Variants in EPS8 observed in about 807,000 individuals in gnomAD.
The protein encoded by EPS8 is EGFR pathway substrate 8, signaling adaptor.
Under a neutral mutation model 103.8 loss-of-function variants are expected in EPS8, and 42 were observed. The observed-to-expected ratio is 0.40, with a 90% CI of 0.32 to 0.52. EPS8 has a LOEUF of 0.52. Among genes scored for constraint, EPS8 ranks in the 20% least tolerant of loss-of-function variants. The pLI is 0.40. For missense variants in EPS8, 969 were observed against 1,005.1 expected (o/e 0.96, Z 0.49); for synonymous variants, 344 against 344.6 (o/e 1.00, Z 0.02).
At chr12:15,710,156 A>G (rs1454361937) in intron 1 of EPS8, among the ~76,000 whole-genome samples, 1 of 152,226 alleles carries the variant, frequency 6.6e-6, no homozygotes, top group Non-Finnish European at 1.5e-5. Flanking sequence ...TAAATGGTGA[A>G]ATAAAGAAAA....
Position 15,624,216 on chromosome 12 carries a change from G to C in EPS8, c.2225+11C>G, listed in dbSNP as rs1187852490. ...CACACAGAATTGCAAAGTATTCACAGAGAGACTCACACAGGGTTGAATCCC... is the reference window on the plus strand; with the variant it reads ...CACACAGAATTGCAAAGTATTCACACAGAGACTCACACAGGGTTGAATCCC... On this transcript the variant is annotated intron_variant, in intron 19 of 20. Transcript: ENST00000281172. The C allele has an allele frequency of 1.2e-6, 2 of 1,609,468 alleles. No individual in the cohort carries two copies. Among genetic ancestry groups the C allele is most frequent in the Non-Finnish European group, 1.7e-6 (2 of 1,176,922 alleles).
At chr12:15,655,800 G>T (rs998631579) in intron 12 of EPS8, among the ~76,000 whole-genome samples, 1 of 152,202 alleles carries the variant, frequency 6.6e-6, no homozygotes, top group Non-Finnish European at 1.5e-5. Flanking sequence ...GTGTGTACAT[G>T]TCCATGCTGA....
At chr12:15,648,422 A>G (rs1349871956) in intron 14 of EPS8, among the ~76,000 whole-genome samples, 4 of 152,220 alleles carry the variant, frequency 2.6e-5, no homozygotes, top group Non-Finnish European at 5.9e-5. Flanking sequence ...ACCACAGTTA[A>G]TTCTAATGAC....
chr12:15,672,355 CAAT>C (rs747227175), intron 3 of EPS8: 152 of 396,072 alleles, frequency 3.8e-4, no homozygotes, highest in Non-Finnish European at 5.3e-4. Flanking sequence ...GTCCTTGTAT[CAAT>C]ATTACTCTGA....
chr12:15,720,542 C>T (rs1255351499), intron 1 of EPS8, among the ~76,000 whole-genome samples: 1 of 152,170 alleles, frequency 6.6e-6, no homozygotes, highest in Admixed American at 6.5e-5. Context: ...CATTGACAGT[C>T]ACATTCTGCT....
intron 1 of EPS8, among the ~76,000 whole-genome samples, chr12:15,694,246 C>T (rs1434563204): frequency 1.3e-5 from 2 of 151,652 alleles, no homozygotes; most frequent in African/African-American, 4.8e-5. Flanking sequence ...ATACTAAAAA[C>T]AAAGGTACCA....
At chr12:15,626,009 C>T (rs972573338) in intron 18 of EPS8, among the ~76,000 whole-genome samples, 7 of 152,268 alleles carry the variant, frequency 4.6e-5, no homozygotes, top group Admixed American at 4.6e-4. Context: ...AACCTGAATT[C>T]CCGATCTTCT....
chr12:15,650,963 G>A lies in EPS8; in HGVS notation c.1294C>T (p.Arg432Ter), dbSNP rs1027436562. ...GGGGGCTCCCAGCCATTGCGGAATCGTGGAACATATGGTGGAATAAACTGT... is the reference window on the plus strand; with the variant it reads ...GGGGGCTCCCAGCCATTGCGGAATCATGGAACATATGGTGGAATAAACTGT... ...KEQFIPPYVP[R>*]FRNGWEPPML... Residue 432 changes from arginine (R) to a stop codon, truncating the protein, a stop_gained, in exon 14 of 21, where the codon CGA becomes TGA. Transcript: ENST00000281172. LOFTEE classifies it high-confidence loss of function. 4 of 1,614,092 alleles carry A rather than the reference G, an allele frequency of 2.5e-6. No homozygotes were observed. Among genetic ancestry groups the A allele is most frequent in the South Asian group, 1.1e-5 (1 of 91,066 alleles).
chr12:15,747,809 A>G lies in EPS8; in HGVS notation c.-22+41352T>C, dbSNP rs1946890340. On this transcript the variant is annotated intron_variant, in intron 1 of 20. Coordinates refer to ENST00000281172, the MANE Select transcript of EPS8 (RefSeq NM_004447.6). The surrounding 1 kb of genome is among the most constrained non-coding windows in gnomAD (Gnocchi z 4.4). The stretch of plus-strand genomic sequence containing the variant: ...GCCGAGGTGGGCGGATCACGAGGTC[A>G]GGAGATCGAGACCATCCTGGCTAAC... Among the ~76,000 whole-genome samples, 1 of 152,172 alleles carries G rather than the reference A, an allele frequency of 6.6e-6. No individual in the cohort carries two copies. The highest frequency in any genetic ancestry group is 2.1e-4 in the South Asian group (1 of 4,826).
intron 18 of EPS8, among the ~76,000 whole-genome samples, chr12:15,626,591 T>C (rs1439893971): frequency 2.1e-5 from 3 of 143,824 alleles, no homozygotes; most frequent in Non-Finnish European, 4.5e-5. Context: ...ATAGCGCCAC[T>C]GTATTCCAGC....
rs114843338 is a variant in EPS8 at position 15,764,376 on chromosome 12, A to G, written c.-22+24785T>C. 8.2e-3 allele frequency among the ~76,000 whole-genome samples: 1,242 copies of G among 152,304 alleles called. 18 individuals carry two copies. Among genetic ancestry groups the G allele is most frequent in the African/African-American group, 0.028 (1,159 of 41,556 alleles). Reference sequence around the variant, plus strand: ...CATATCAATCAGTCAAGTTAGAAGGAGCTGAATGACAAGTCAAGAGACAAT... The same window carrying G: ...CATATCAATCAGTCAAGTTAGAAGGGGCTGAATGACAAGTCAAGAGACAAT... On this transcript the variant is annotated intron_variant, in intron 1 of 20. Transcript: ENST00000281172. This position sits in a 1 kb window ranked among gnomAD's most constrained non-coding sequence, Gnocchi z 4.1.
At chr12:15,653,769 G>T (rs1010148834) in intron 13 of EPS8, among the ~76,000 whole-genome samples, 6 of 152,196 alleles carry the variant, frequency 3.9e-5, no homozygotes, top group Admixed American at 6.5e-5. Flanking sequence ...GAGTAGTTCT[G>T]TAAAGTGCAT....
chr12:15,682,206 C>T (rs1239864008), intron 2 of EPS8, among the ~76,000 whole-genome samples: 1 of 152,044 alleles, frequency 6.6e-6, no homozygotes. Context: ...TGTAACATTC[C>T]CAGAATAGAC....
At position 15,733,849 on chromosome 12, in the gene EPS8, G is replaced by A. The variant is rs1946741839; in HGVS notation, c.-21-50877C>T. ...AAATAATGTAAGCTGGTTTTTAATG[G>A]AAAATACATTTTTATTTTTATTTTC... is the stretch of plus-strand genomic sequence containing the variant. On this transcript the variant is annotated intron_variant, in intron 1 of 20. Coordinates refer to ENST00000281172, the MANE Select transcript of EPS8 (RefSeq NM_004447.6). This position sits in a 1 kb window ranked among gnomAD's most constrained non-coding sequence, Gnocchi z 4.8. Among the ~76,000 whole-genome samples, 1 of 152,032 alleles carries A rather than the reference G, an allele frequency of 6.6e-6. No homozygotes were observed. The highest frequency in any genetic ancestry group is 1.5e-5 in the Non-Finnish European group (1 of 67,996).
chr12:15,666,224 C>T (rs926289635), intron 7 of EPS8, among the ~76,000 whole-genome samples: 3 of 152,148 alleles, frequency 2.0e-5, no homozygotes, highest in South Asian at 2.1e-4. Flanking sequence ...TGACTTCCAA[C>T]ACAAGTGAAG....
chr12:15,715,389 C>CTT (rs1946520039), intron 1 of EPS8, among the ~76,000 whole-genome samples: 3 of 63,884 alleles, frequency 4.7e-5, no homozygotes, highest in Non-Finnish European at 8.4e-5. Flanking sequence ...TTTTTCTTTA[C>CTT]TTTTCTTTTT....
chr12:15,748,752 A>G lies in EPS8; in HGVS notation c.-22+40409T>C, dbSNP rs1240374318. The stretch of plus-strand genomic sequence containing the variant: ...CAGGTAAAGACAGAATATCCAATGT[A>G]TAACAGATCTAAGCTTTTTCTCTTT... On this transcript the variant is annotated intron_variant, in intron 1 of 20. Coordinates refer to ENST00000281172, the MANE Select transcript of EPS8 (RefSeq NM_004447.6). This position sits in a 1 kb window ranked among gnomAD's most constrained non-coding sequence, Gnocchi z 4.8. 6.6e-6 allele frequency among the ~76,000 whole-genome samples: 1 copy of G among 152,230 alleles called. No individual in the cohort carries two copies.
chr12:15,631,445 C>T lies in EPS8; in HGVS notation c.2041G>A (p.Asp681Asn). Reference protein sequence around the residue: ...DSQRHKQLPVDRRKSQMEEVQ... With the variant: ...DSQRHKQLPVNRRKSQMEEVQ... ...TTTGCCTCCCTGGGAAACTTACGGT[C>T]CACCGGAAGTTGTTTGTGTCTCTGG... The change falls in exon 18 of 21, where the codon GAC becomes AAC. Residue 681 changes from aspartate to asparagine, a missense_variant. Asp to Asn is a conservative substitution (Grantham distance 23). Coordinates refer to ENST00000281172, the MANE Select transcript of EPS8 (RefSeq NM_004447.6). 6.2e-7 allele frequency: 1 copy of T among 1,613,472 alleles called. No individual in the cohort carries two copies. The highest frequency in any genetic ancestry group is 8.5e-7 in the Non-Finnish European group (1 of 1,179,458).
Position 15,777,733 on chromosome 12 carries a change from C to T in EPS8, c.-22+11428G>A, listed in dbSNP as rs1947221522. ...CCATCTGAGGATTGAAAAAGGGTGT[C>T]AGAAACGAGCAAAAGGAGGGGGAAC... On this transcript the variant is annotated intron_variant, in intron 1 of 20. Coordinates refer to ENST00000281172, the MANE Select transcript of EPS8 (RefSeq NM_004447.6). The surrounding 1 kb of genome is among the most constrained non-coding windows in gnomAD (Gnocchi z 4.7). Among the ~76,000 whole-genome samples, 2 of 152,036 alleles carry T rather than the reference C, an allele frequency of 1.3e-5. No individual in the cohort carries two copies. The highest frequency in any genetic ancestry group is 4.8e-5 in the African/African-American group (2 of 41,384).
Sources: allele counts gnomAD v4.1 joint callset (sites outside exome capture counted in the v4.1 genomes callset), GRCh38; gene constraint gnomAD v4.1.1; non-coding constraint Gnocchi (gnomAD v3.1); transcripts MANE v1.5; gene names NCBI Gene and HGNC (gene_info 2026-07-23, HGNC 2026-07-21).